The following SGMS1 variants were observed in gnomAD, a reference collection of about 807,000 sequenced individuals.
The protein encoded by SGMS1 is sphingomyelin synthase 1.
In SGMS1, 13 loss-of-function variants were observed where a neutral mutation model predicts 46.2. That is an observed-to-expected ratio of 0.28 (90% CI 0.18 to 0.45). The LOEUF (loss-of-function observed/expected upper bound fraction) is 0.45. SGMS1 is among the 20% of genes least tolerant of loss of function. The pLI is 1.00. For synonymous variants in SGMS1, 203 were observed against 187.8 expected, an observed-to-expected ratio of 1.08 and a Z score of -0.66; for missense variants, 324 against 519.9, an observed-to-expected ratio of 0.62 and a Z score of 3.66.
rs188217680 is a variant in SGMS1 at position 50,581,637 on chromosome 10, C to A, written c.-589+8516G>T. Among the ~76,000 whole-genome samples the A allele has an allele frequency of 2.0e-5, 3 of 152,304 alleles. No individual in the cohort carries two copies. The East Asian group carries it at 5.8e-4, about 29-fold the overall frequency. ...AAGAACAAAATAAATGGGATTACAT[C>A]TAAGAACCTATTATAATTCCCACAA... On this transcript the variant is annotated intron_variant, in intron 2 of 10. Transcript: ENST00000361781.
At chr10:50,567,958 A>G (rs1044705535) in intron 2 of SGMS1, among the ~76,000 whole-genome samples, 1 of 152,112 alleles carries the variant, frequency 6.6e-6, no homozygotes, top group African/African-American at 2.4e-5. Context: ...ATGACAAAAT[A>G]TTGTTTTGCC....
At chr10:50,412,311 T>C (rs1204710304) in intron 6 of SGMS1, among the ~76,000 whole-genome samples, 1 of 152,238 alleles carries the variant, frequency 6.6e-6, no homozygotes. Flanking sequence ...CGCCTCTTCC[T>C]AAGCCATGGA....
chr10:50,578,555 C>T (rs1218217578), intron 2 of SGMS1, among the ~76,000 whole-genome samples: 2 of 152,128 alleles, frequency 1.3e-5, no homozygotes, highest in Non-Finnish European at 2.9e-5. Flanking sequence ...GCAGCTGCTG[C>T]ACAGTTAACA....
chr10:50,527,440 G>T (rs925358647), intron 2 of SGMS1, among the ~76,000 whole-genome samples: 1 of 152,072 alleles, frequency 6.6e-6, no homozygotes, highest in African/African-American at 2.4e-5. Context: ...ATTTACAGAT[G>T]AGAAACTGAG....
At chr10:50,439,911 G>C (rs1391722483) in intron 5 of SGMS1, among the ~76,000 whole-genome samples, 1 of 152,114 alleles carries the variant, frequency 6.6e-6, no homozygotes, top group African/African-American at 2.4e-5. Context: ...CATTCAACAG[G>C]TATTTTGGGG....
chr10:50,458,879 A>G (rs1396811265), intron 5 of SGMS1, among the ~76,000 whole-genome samples: 2 of 152,230 alleles, frequency 1.3e-5, no homozygotes, highest in Non-Finnish European at 2.9e-5. Flanking sequence ...AAAAAATCAG[A>G]TAACATATAC....
chr10:50,310,110 T>C (rs1564870169), intron 9 of SGMS1, among the ~76,000 whole-genome samples: 1 of 152,194 alleles, frequency 6.6e-6, no homozygotes, highest in Non-Finnish European at 1.5e-5. Context: ...GACCCTCTTC[T>C]TGTGGCTTAA....
chr10:50,587,709 A>G (rs890277620), intron 2 of SGMS1, among the ~76,000 whole-genome samples: 3 of 149,948 alleles, frequency 2.0e-5, no homozygotes, highest in African/African-American at 7.4e-5. Context: ...TAAGGCTTCC[A>G]GTCAACAGTA....
chr10:50,456,850 A>C (rs972019744), intron 5 of SGMS1, among the ~76,000 whole-genome samples: 2 of 152,244 alleles, frequency 1.3e-5, no homozygotes, highest in African/African-American at 4.8e-5. Context: ...CAAAGAAAGA[A>C]AAATGGGTTT....
chr10:50,359,313 C>A (rs934665755), intron 6 of SGMS1, among the ~76,000 whole-genome samples: 1 of 152,148 alleles, frequency 6.6e-6, no homozygotes, highest in Non-Finnish European at 1.5e-5. Context: ...AAATATATTT[C>A]TCTCAGTAGC....
intron 3 of SGMS1, among the ~76,000 whole-genome samples, chr10:50,510,133 T>C (rs1203156879): frequency 6.6e-6 from 1 of 152,194 alleles, no homozygotes; most frequent in African/African-American, 2.4e-5. Flanking sequence ...CAGAATGTCA[T>C]TTAAATTGAA....
chr10:50,562,972 T>C (rs922107216), intron 2 of SGMS1, among the ~76,000 whole-genome samples: 6 of 152,186 alleles, frequency 3.9e-5, no homozygotes, highest in Non-Finnish European at 7.4e-5. Flanking sequence ...TTTTGGTCCT[T>C]ACTAGGTAAG....
chr10:50,522,395 CA>C (rs1837864265), intron 2 of SGMS1, among the ~76,000 whole-genome samples: 1 of 152,212 alleles, frequency 6.6e-6, no homozygotes, highest in South Asian at 2.1e-4. Context: ...GTCAATTCTC[CA>C]AAAAGCACTG....
At chr10:50,361,413 A>G (rs1215311272) in intron 6 of SGMS1, among the ~76,000 whole-genome samples, 1 of 152,198 alleles carries the variant, frequency 6.6e-6, no homozygotes, top group African/African-American at 2.4e-5. Context: ...TCAAGTTCAC[A>G]TACCCGTCAG....
chr10:50,475,663 T>C (rs751227127), intron 3 of SGMS1, among the ~76,000 whole-genome samples: 27 of 152,158 alleles, frequency 1.8e-4, no homozygotes, highest in Non-Finnish European at 2.9e-4. Context: ...GACTGGATCA[T>C]GGGAGTAGTT....
intron 5 of SGMS1, among the ~76,000 whole-genome samples, chr10:50,446,576 C>T (rs1397173171): frequency 6.6e-6 from 1 of 152,154 alleles, no homozygotes; most frequent in African/African-American, 2.4e-5. Flanking sequence ...TAGAATACTA[C>T]TCAATAGCAT....
At chr10:50,513,085 A>G (rs1588859917) in intron 3 of SGMS1, among the ~76,000 whole-genome samples, 1 of 152,198 alleles carries the variant, frequency 6.6e-6, no homozygotes, top group East Asian at 1.9e-4. Context: ...CTATTTTCCA[A>G]AAACACTGAG....
intron 6 of SGMS1, among the ~76,000 whole-genome samples, chr10:50,351,803 C>T (rs551963168): frequency 2.6e-5 from 4 of 152,204 alleles, no homozygotes; most frequent in South Asian, 2.1e-4. Context: ...AGTGTGGAAA[C>T]GAACTAATAC....
intron 2 of SGMS1, among the ~76,000 whole-genome samples, chr10:50,524,229 T>C (rs1837880189): frequency 6.6e-6 from 1 of 152,156 alleles, no homozygotes; most frequent in Non-Finnish European, 1.5e-5. Context: ...CTGTAGATCT[T>C]GTTGAATTCT....
Sources: gnomAD v4.1 joint callset for allele counts (sites outside exome capture counted in the v4.1 genomes callset) on GRCh38, gnomAD v4.1.1 for gene constraint, MANE v1.5 for transcripts, NCBI Gene and HGNC (gene_info 2026-07-23, HGNC 2026-07-21) for gene names.